The following MYOF variants were observed in gnomAD, a reference collection of about 807,000 sequenced individuals.
MYOF encodes the protein fer-1-like 3, myoferlin.
A neutral mutation model predicts 284.2 loss-of-function variants in MYOF; 244 were observed. That is an observed-to-expected ratio of 0.86 (90% CI 0.77 to 0.95). MYOF has a LOEUF of 0.95. Ranked by LOEUF, MYOF falls within the 40% of genes least tolerant of loss-of-function variation. The probability of loss-of-function intolerance (pLI) is 0.00; values close to 1 mark genes in which losing one functional copy is unlikely to be tolerated. For synonymous variants in MYOF, 904 were observed against 919.7 expected, an observed-to-expected ratio of 0.98 and a Z score of 0.31; for missense variants, 2,496 against 2,560.6, an observed-to-expected ratio of 0.97 and a Z score of 0.54.
At chr10:93,341,964 T>G (rs1412143718) in intron 38 of MYOF, 2 of 1,289,656 alleles carry the variant, frequency 1.6e-6, no homozygotes, top group East Asian at 1.1e-4. Flanking sequence ...ACATACTGCT[T>G]AAGCACTGGA....
At chr10:93,363,719 A>T (rs545902542) in intron 27 of MYOF, among the ~76,000 whole-genome samples, 2 of 152,332 alleles carry the variant, frequency 1.3e-5, no homozygotes, top group South Asian at 4.1e-4. Context: ...AAATTTACCT[A>T]AAAAATTTGC....
At chr10:93,451,240 T>C (rs111789383) in intron 3 of MYOF, among the ~76,000 whole-genome samples, 8,643 of 152,152 alleles carry the variant, frequency 0.057, 669 homozygotes, top group African/African-American at 0.16. Flanking sequence ...CTTGGGAGGC[T>C]GAGGCAGGAG....
chr10:93,402,908 G>A lies in MYOF; in HGVS notation c.844-18C>T, dbSNP rs770484913. On this transcript the variant is annotated intron_variant, in intron 9 of 53. Transcript: ENST00000359263. Reference sequence around the variant, plus strand: ...ACATCAATCTGGGAAAACAATAATCGAAAGTAGTCTAAGTAGATTTTAAAA... The same window carrying A: ...ACATCAATCTGGGAAAACAATAATCAAAAGTAGTCTAAGTAGATTTTAAAA... 36 of 1,603,060 alleles carry A rather than the reference G, an allele frequency of 2.2e-5. No homozygotes were observed. Among genetic ancestry groups the A allele is most frequent in the Non-Finnish European group, 2.7e-5 (32 of 1,170,424 alleles).
At position 93,313,034 on chromosome 10, in the gene MYOF, C is replaced by T. The variant is rs772089105; in HGVS notation, c.5875G>A (p.Ala1959Thr). ...AATGTTCATACAGCCATTACGCGGG[C>T]GCCATCTTTCTCTGCGTAGCATGGC... is the stretch of plus-strand genomic sequence containing the variant. ...WWPCYAEKDG[A>T]RVMAGKVEMT... is the part of the protein sequence containing the mutation. Residue 1959 changes from alanine to threonine, a missense_variant, in exon 51 of 54, where the codon GCC (alanine) becomes ACC (threonine). Around this residue, in one of 3 missense-constraint regions of MYOF, gnomAD observed 2,436 missense variants for 2,480.7 expected, o/e 0.98. Transcript: ENST00000359263. 69 of 1,609,824 alleles carry T rather than the reference C, an allele frequency of 4.3e-5. No homozygotes were observed. The highest frequency in any genetic ancestry group is 3.5e-4 in the Middle Eastern group (2 of 5,640).
intron 1 of MYOF, among the ~76,000 whole-genome samples, chr10:93,479,659 C>A (rs963045001): frequency 1.3e-5 from 2 of 152,144 alleles, no homozygotes; most frequent in Admixed American, 6.6e-5. Flanking sequence ...TCCCATCATG[C>A]CACAGCTGAG....
Position 93,409,660 on chromosome 10 carries a change from C to T in MYOF, c.513G>A (p.Gly171=). The change falls in exon 6 of 54, where the codon GGG becomes GGA. Residue 171 remains glycine, a synonymous_variant. Transcript: ENST00000359263. The part of the protein sequence containing the change: ...VRGPGPKGPV[G]TVSEAQLARR... ...GAGCAAGCTGAGCTTCCGACACCGTCCCAACTGGCCCCTTGGGCCCAGGGC... is the reference window on the plus strand; with the variant it reads ...GAGCAAGCTGAGCTTCCGACACCGTTCCAACTGGCCCCTTGGGCCCAGGGC... 6.2e-7 allele frequency: 1 copy of T among 1,614,240 alleles called. No individual in the cohort carries two copies. The highest frequency in any genetic ancestry group is 8.5e-7 in the Non-Finnish European group (1 of 1,180,038).
At chr10:93,387,028 C>T (rs765945522) in intron 19 of MYOF, among the ~76,000 whole-genome samples, 2 of 152,164 alleles carry the variant, frequency 1.3e-5, no homozygotes, top group Non-Finnish European at 2.9e-5. Flanking sequence ...CCAGCCTGAC[C>T]CCATGAGCTT....
chr10:93,311,617 G>T (rs1390091378), intron 51 of MYOF, among the ~76,000 whole-genome samples: 1 of 148,040 alleles, frequency 6.8e-6, no homozygotes, highest in Non-Finnish European at 1.5e-5. Context: ...CAACAAACCT[G>T]CCCACTTTTA....
At chr10:93,394,119 C>T (rs548068199) in intron 16 of MYOF, among the ~76,000 whole-genome samples, 15 of 152,128 alleles carry the variant, frequency 9.9e-5, no homozygotes, top group Non-Finnish European at 1.5e-4. Context: ...TTTATTCATT[C>T]GAGATGGGGT....
intron 7 of MYOF, among the ~76,000 whole-genome samples, chr10:93,407,586 A>C (rs1669380213): frequency 6.6e-6 from 1 of 151,072 alleles, no homozygotes; most frequent in Non-Finnish European, 1.5e-5. Flanking sequence ...AAAAAAAAAA[A>C]AATTAGCTGG....
chr10:93,446,361 CA>C (rs2056430155), intron 3 of MYOF, among the ~76,000 whole-genome samples: 1 of 152,120 alleles, frequency 6.6e-6, no homozygotes, highest in Non-Finnish European at 1.5e-5. Context: ...GCCTTCAGTC[CA>C]AAAGTCAGTG....
chr10:93,307,903 G>A (rs1842193663), intron 53 of MYOF, among the ~76,000 whole-genome samples: 1 of 151,028 alleles, frequency 6.6e-6, no homozygotes, highest in African/African-American at 2.4e-5. Context: ...GGGATTATAG[G>A]TGTGAGCCAC....
Position 93,373,061 on chromosome 10 carries a change from T to C in MYOF, c.2326A>G (p.Ile776Val). Residue 776 changes from isoleucine (I) to valine (V), a missense_variant, in exon 24 of 54, where the codon ATC (isoleucine) becomes GTC (valine). Around this residue, in one of 3 missense-constraint regions of MYOF, gnomAD observed 2,436 missense variants for 2,480.7 expected, o/e 0.98. Coordinates refer to ENST00000359263, the MANE Select transcript of MYOF (RefSeq NM_013451.4). ...TTCTCTCCCCGGATCATCCAGATGA[T>C]GATGTCAGGCATGCTGTTCTGTGGC... ...EEPQNSMPDIIIWMIRGEKRL... is the reference protein window; with the variant it reads ...EEPQNSMPDIVIWMIRGEKRL... 6.2e-7 allele frequency: 1 copy of C among 1,614,146 alleles called. No homozygotes were observed. Among genetic ancestry groups the C allele is most frequent in the Non-Finnish European group, 8.5e-7 (1 of 1,180,016 alleles).
chr10:93,408,943 C>T, intron 6 of MYOF, 28 bp from the exon 7 acceptor site: 3 of 1,612,996 alleles, frequency 1.9e-6, no homozygotes, highest in Non-Finnish European at 2.5e-6. Context: ...GATGGTTACC[C>T]AACCTTTCCC....
intron 3 of MYOF, among the ~76,000 whole-genome samples, chr10:93,441,596 C>G (rs1392715573): frequency 6.8e-6 from 1 of 146,190 alleles, no homozygotes; most frequent in Non-Finnish European, 1.5e-5. Flanking sequence ...CAGAGTCTCA[C>G]TCTGTCACCC....
At chr10:93,414,806 C>T (rs1848049126) in intron 5 of MYOF, among the ~76,000 whole-genome samples, 1 of 151,956 alleles carries the variant, frequency 6.6e-6, no homozygotes, top group African/African-American at 2.4e-5. Flanking sequence ...TGTAGTGGTA[C>T]AATTTCAGCT....
chr10:93,319,499 A>C lies in MYOF; in HGVS notation c.5598+373T>G, dbSNP rs534882534. Among the ~76,000 whole-genome samples, 42 of 152,278 alleles carry C rather than the reference A, an allele frequency of 2.8e-4. No individual in the cohort carries two copies. The South Asian group carries it at 8.5e-3, about 31-fold the overall frequency. On this transcript the variant is annotated intron_variant, in intron 49 of 53. Coordinates refer to ENST00000359263, the MANE Select transcript of MYOF (RefSeq NM_013451.4). ...GGAAGTTTGATAAGGAAGGATACCC[A>C]CTTTAATACTGGGCCTCTGCTTGAC...
Position 93,351,394 on chromosome 10 carries a change from G to C in MYOF, c.3822+19C>G. On this transcript the variant is annotated intron_variant, in intron 34 of 53. Coordinates refer to ENST00000359263, the MANE Select transcript of MYOF (RefSeq NM_013451.4). ...TTAAGCAGCTGACAGAATACATGAG[G>C]AAGAACACAGCAATGTACCTTGCCC... 6.2e-7 allele frequency: 1 copy of C among 1,612,930 alleles called. No individual in the cohort carries two copies. The highest frequency in any genetic ancestry group is 8.5e-7 in the Non-Finnish European group (1 of 1,179,506).
chr10:93,371,500 G>A (rs566970879), intron 24 of MYOF, among the ~76,000 whole-genome samples: 222 of 152,256 alleles, frequency 1.5e-3, no homozygotes, highest in African/African-American at 5.2e-3. Flanking sequence ...TTGCAAAAAT[G>A]CAAAACAGTC....
Sources: gnomAD v4.1 joint callset for allele counts (sites outside exome capture counted in the v4.1 genomes callset) on GRCh38, gnomAD v4.1.1 for gene constraint, gnomAD v4.1.1 regional missense constraint, MANE v1.5 for transcripts, NCBI Gene and HGNC (gene_info 2026-07-23, HGNC 2026-07-21) for gene names.